The following LRRC38 variants were observed in gnomAD, a reference collection of about 807,000 sequenced individuals.
LRRC38 encodes the protein leucine rich repeat containing 38, also known as leucine-rich repeat-containing protein 38.
LRRC38 carries 5 observed loss-of-function variants against 16.4 expected under a neutral mutation model. The ratio of observed to expected loss-of-function variants is 0.31; its 90% confidence interval spans 0.16 to 0.64. LRRC38 has a LOEUF of 0.64. Ranked by LOEUF, LRRC38 falls within the 30% of genes least tolerant of loss-of-function variation. The pLI is 0.80. For synonymous variants in LRRC38, 191 were observed against 190.2 expected (o/e 1.00, Z -0.04); for missense variants, 341 against 401.8 (o/e 0.85, Z 1.29).
intron 1 of LRRC38, among the ~76,000 whole-genome samples, chr1:13,493,629 A>AAGGG (rs763358361): frequency 6.6e-6 from 1 of 152,134 alleles, no homozygotes; most frequent in Non-Finnish European, 1.5e-5. Flanking sequence ...GTCCTTATAA[A>AAGGG]AGGGAGGCAG....
At chr1:13,495,328 C>T (rs561385800) in intron 1 of LRRC38, among the ~76,000 whole-genome samples, 10 of 152,198 alleles carry the variant, frequency 6.6e-5, no homozygotes, top group East Asian at 1.9e-4. Flanking sequence ...ATTTAGAAGC[C>T]GATTCTGGTT....
intron 1 of LRRC38, among the ~76,000 whole-genome samples, chr1:13,495,091 C>A (rs1461802043): frequency 6.6e-6 from 1 of 152,162 alleles, no homozygotes; most frequent in African/African-American, 2.4e-5. Context: ...TCTGAGACCA[C>A]AGAAGGGTCA....
chr1:13,494,473 G>C (rs1639058022), intron 1 of LRRC38, among the ~76,000 whole-genome samples: 1 of 148,368 alleles, frequency 6.7e-6, no homozygotes, highest in African/African-American at 2.5e-5. Context: ...CTCTCTCTCT[G>C]GCCCTCATGA....
rs34927682 is a variant in LRRC38 at position 13,486,588 on chromosome 1, CTT to C, written c.632-10491_632-10490del. ...ACCCATTAAATATGTCTTGGTGTAC[CTT>C]TTTTTTTTTTTTTTTTTTGAGACAA... is the stretch of plus-strand genomic sequence containing the variant. On this transcript the variant is annotated intron_variant, in intron 1 of 1. Transcript: ENST00000376085. Among the ~76,000 whole-genome samples the C allele has an allele frequency of 8.9e-3, 1,133 of 127,570 alleles. 7 individuals carry two copies. Among genetic ancestry groups the C allele is most frequent in the African/African-American group, 0.033 (1,038 of 31,202 alleles). The allele number at this position is 127,570 out of a possible 152,430, so 83.7% of individuals were successfully genotyped here.
chr1:13,513,269 G>A lies in LRRC38; in HGVS notation c.325C>T (p.Leu109Phe), dbSNP rs773451960. Residue 109 changes from leucine (L) to phenylalanine (F), a missense_variant, in exon 1 of 2, where the codon CTC (leucine) becomes TTC (phenylalanine). Leu to Phe is a conservative substitution (Grantham distance 22). Transcript: ENST00000376085. Reference protein sequence around the residue: ...TFSGSAKLVFLDLSYNNLTQL... With the variant: ...TFSGSAKLVFFDLSYNNLTQL... ...GTCAAGTTGTTGTAGCTGAGGTCGA[G>A]GAACACGAGCTTGGCCGAGCCGCTG... The A allele has an allele frequency of 1.9e-6, 3 of 1,550,400 alleles. No individual in the cohort carries two copies. Among genetic ancestry groups the A allele is most frequent in the South Asian group, 2.4e-5 (2 of 84,066 alleles).
At chr1:13,488,012 CT>C (rs375888862) in intron 1 of LRRC38, among the ~76,000 whole-genome samples, 102 of 137,908 alleles carry the variant, frequency 7.4e-4, no homozygotes, top group African/African-American at 2.6e-3. Flanking sequence ...TGGCTTATAC[CT>C]TTTCTAGATT....
Position 13,490,042 on chromosome 1 carries a change from C to T in LRRC38, c.632-13943G>A, listed in dbSNP as rs565989602. 2.0e-4 allele frequency among the ~76,000 whole-genome samples: 31 copies of T among 152,344 alleles called. No individual in the cohort carries two copies. The South Asian group carries it at 6.4e-3, about 32-fold the overall frequency. On this transcript the variant is annotated intron_variant, in intron 1 of 1. Coordinates refer to ENST00000376085, the MANE Select transcript of LRRC38 (RefSeq NM_001010847.2). ...GAGTCCCACCCCTCATCTTAAAACA[C>T]TGACATAAGTCGCACACATAAGCGA...
intron 1 of LRRC38, 31 bp downstream of exon 1, chr1:13,512,932 T>TCCC: frequency 8.1e-6 from 4 of 495,302 alleles, no homozygotes; most frequent in South Asian, 2.8e-5. Flanking sequence ...CCCCCCTCCC[T>TCCC]CCCTCCCCCA....
At chr1:13,498,417 G>A (rs913653357) in intron 1 of LRRC38, among the ~76,000 whole-genome samples, 86 of 152,206 alleles carry the variant, frequency 5.7e-4, no homozygotes, top group Non-Finnish European at 1.0e-4. Context: ...GGAATCACAA[G>A]GTCAGGAGTT....
Position 13,475,648 on chromosome 1 carries a change from G to C in LRRC38, c.*198C>G, listed in dbSNP as rs1638776988. ...AGGAATAATTCCCTCCATCCTTCCT[G>C]GGCTTCTGTGCTCTGCTGATTCTAA... On this transcript the variant is annotated 3_prime_UTR_variant, in exon 2 of 2. Transcript: ENST00000376085. The surrounding 1 kb of genome is among the most constrained non-coding windows in gnomAD (Gnocchi z 4.3). The C allele has an allele frequency of 1.6e-6, 1 of 635,082 alleles. No homozygotes were observed. Among genetic ancestry groups the C allele is most frequent in the East Asian group, 2.8e-5 (1 of 35,624 alleles). 39.3% of individuals were successfully genotyped at this position (635,082 alleles called of 1,614,324 possible).
chr1:13,480,421 T>C (rs1443805141), intron 1 of LRRC38, among the ~76,000 whole-genome samples: 1 of 152,228 alleles, frequency 6.6e-6, no homozygotes, highest in Non-Finnish European at 1.5e-5. Context: ...CAGTTGAGGA[T>C]CACTGCTTTA....
At chr1:13,512,646 C>T (rs1435891980) in intron 1 of LRRC38, among the ~76,000 whole-genome samples, 2 of 152,048 alleles carry the variant, frequency 1.3e-5, no homozygotes, top group Admixed American at 1.3e-4. Flanking sequence ...ATAAGTAATC[C>T]ACACCCGCCA....
Position 13,513,584 on chromosome 1 carries a change from G to A in LRRC38, c.10C>T (p.Arg4Ter). Residue 4 changes from arginine (R) to a stop codon, truncating the protein, a stop_gained, in exon 1 of 2, where the codon CGA becomes TGA. Coordinates refer to ENST00000376085, the MANE Select transcript of LRRC38 (RefSeq NM_001010847.2). LOFTEE classifies it high-confidence loss of function. MRP[R>*]APACAAAALG... ...GCCGCGGCGGCGCAGGCTGGGGCTC[G>A]GGGGCGCATGGCCGGGGGGCCCGCG... 4.3e-6 allele frequency: 5 copies of A among 1,168,724 alleles called. No individual in the cohort carries two copies. Among genetic ancestry groups the A allele is most frequent in the Non-Finnish European group, 5.3e-6 (5 of 948,178 alleles). The allele number at this position is 1,168,724 out of a possible 1,614,324, so 72.4% of individuals were successfully genotyped here. A position where few individuals can be genotyped will look rare whatever the true frequency, so the allele number is the denominator to read the frequency against.
chr1:13,476,706 A>AC (rs1638793185), intron 1 of LRRC38, among the ~76,000 whole-genome samples: 1 of 152,196 alleles, frequency 6.6e-6, no homozygotes, highest in Non-Finnish European at 1.5e-5. Context: ...GGTTTAGGAC[A>AC]TCTGTAGACC....
chr1:13,504,761 GGGGAA>G (rs1455262435), intron 1 of LRRC38, among the ~76,000 whole-genome samples: 4 of 93,528 alleles, frequency 4.3e-5, no homozygotes, highest in African/African-American at 1.9e-4. Context: ...GGGGAGGGGA[GGGGAA>G]GGGAGGGAAG....
At position 13,513,594 on chromosome 1, in the gene LRRC38, G is replaced by T; in HGVS notation, c.-1C>A. On this transcript the variant is annotated 5_prime_UTR_variant, in exon 1 of 2. Transcript: ENST00000376085. ...CGCAGGCTGGGGCTCGGGGGCGCAT[G>T]GCCGGGGGGCCCGCGCCGGCCGCGG... 1 of 1,130,554 alleles carries T rather than the reference G, an allele frequency of 8.8e-7. No individual in the cohort carries two copies. Among genetic ancestry groups the T allele is most frequent in the Non-Finnish European group, 1.1e-6 (1 of 924,222 alleles). 70.0% of individuals were successfully genotyped at this position (1,130,554 alleles called of 1,614,324 possible). A position where few individuals can be genotyped will look rare whatever the true frequency, so the allele number is the denominator to read the frequency against.
At position 13,511,901 on chromosome 1, in the gene LRRC38, G is replaced by A. The variant is rs1365383225; in HGVS notation, c.631+1062C>T. Among the ~76,000 whole-genome samples, 4 of 152,148 alleles carry A rather than the reference G, an allele frequency of 2.6e-5. 1 individual carries two copies. The highest frequency in any genetic ancestry group is 9.7e-5 in the African/African-American group (4 of 41,432). ...GACAGTTGGGAATGAAGATATGAAT[G>A]CAGGAGTTCAGCACACAGATGAACA... On this transcript the variant is annotated intron_variant, in intron 1 of 1. Coordinates refer to ENST00000376085, the MANE Select transcript of LRRC38 (RefSeq NM_001010847.2).
intron 1 of LRRC38, among the ~76,000 whole-genome samples, chr1:13,483,382 C>T (rs568769633): frequency 1.8e-3 from 270 of 152,296 alleles, no homozygotes; most frequent in African/African-American, 5.9e-3. Flanking sequence ...CTCCAGACCT[C>T]AGGTGATCCA....
chr1:13,513,130 T>A lies in LRRC38; in HGVS notation c.464A>T (p.Gln155Leu). 6.4e-7 allele frequency: 1 copy of A among 1,550,410 alleles called. No homozygotes were observed. The highest frequency in any genetic ancestry group is 8.7e-7 in the Non-Finnish European group (1 of 1,146,876). ...EDAFETLESL[Q>L]VLELNDNNLR... is the part of the protein sequence containing the mutation. ...GTTGTTGTCGTTGAGCTCCAGCACC[T>A]GCAGCGACTCCAGGGTCTCGAAGGC... Residue 155 changes from glutamine to leucine, a missense_variant, in exon 1 of 2, where the codon CAG (glutamine) becomes CTG (leucine). Physicochemically the swap from Gln to Leu is moderately radical, Grantham distance 113. Coordinates refer to ENST00000376085, the MANE Select transcript of LRRC38 (RefSeq NM_001010847.2).
Sources: gnomAD v4.1 joint callset for allele counts (sites outside exome capture counted in the v4.1 genomes callset) on GRCh38, gnomAD v4.1.1 for gene constraint, Gnocchi (gnomAD v3.1) non-coding constraint, MANE v1.5 for transcripts, NCBI Gene and HGNC (gene_info 2026-07-23, HGNC 2026-07-21) for gene names.